The following TRDN variants were observed in gnomAD, a reference collection of about 807,000 sequenced individuals.
TRDN encodes triadin in skeletal muscle.
TRDN carries 161 observed loss-of-function variants against 149.7 expected under a neutral mutation model. The observed-to-expected ratio is 1.08, with a 90% CI of 0.95 to 1.23. The LOEUF (loss-of-function observed/expected upper bound fraction) is 1.23. TRDN is among the 50% of genes most tolerant of loss of function. The probability of loss-of-function intolerance (pLI) is 0.00; values close to 1 mark genes in which losing one functional copy is unlikely to be tolerated. For missense variants in TRDN, 896 were observed against 823.5 expected, an observed-to-expected ratio of 1.09 and a Z score of -1.08; for synonymous variants, 294 against 250.5, an observed-to-expected ratio of 1.17 and a Z score of -1.64.
intron 21 of TRDN, among the ~76,000 whole-genome samples, chr6:123,349,097 T>C (rs1417765537): frequency 6.6e-6 from 1 of 152,036 alleles, no homozygotes; most frequent in Non-Finnish European, 1.5e-5. Context: ...AGGAATAGTG[T>C]TAGTGGAAAG....
intron 22 of TRDN, among the ~76,000 whole-genome samples, chr6:123,333,590 C>T (rs977553397): frequency 2.0e-5 from 3 of 152,010 alleles, no homozygotes; most frequent in African/African-American, 7.2e-5. Flanking sequence ...CCACTTTGTC[C>T]TCAGGGGCTT....
chr6:123,319,709 A>G (rs1779170492), intron 23 of TRDN, among the ~76,000 whole-genome samples: 1 of 152,082 alleles, frequency 6.6e-6, no homozygotes, highest in Admixed American at 6.6e-5. Context: ...TTGCCACTGA[A>G]GCCCTTCGTT....
intron 24 of TRDN, among the ~76,000 whole-genome samples, chr6:123,307,606 C>T (rs1172278583): frequency 6.6e-6 from 1 of 151,948 alleles, no homozygotes; most frequent in Non-Finnish European, 1.5e-5. Flanking sequence ...CAAACATTCA[C>T]AGGATGACAG....
At chr6:123,265,553 T>A (rs931490373) in intron 32 of TRDN, among the ~76,000 whole-genome samples, 5 of 151,352 alleles carry the variant, frequency 3.3e-5, no homozygotes, top group Non-Finnish European at 5.9e-5. Context: ...AAGTATGGAA[T>A]CTTTTTTGGT....
At chr6:123,292,716 T>C (rs1367665) in intron 24 of TRDN, among the ~76,000 whole-genome samples, 27,909 of 152,020 alleles carry the variant, frequency 0.18, 3,385 homozygotes, top group East Asian at 0.62. Flanking sequence ...AGTACATCTG[T>C]CCAGGGTTAA....
rs577711103 is a variant in TRDN, at chr6:123,479,657, TACA to T, written c.854-14677_854-14675del. ...GCGGAGTCCCAGTGCAGTGCTCTTA[TACA>T]ACAGTATCCTGTCTTTGAGCTTGCA... is the stretch of plus-strand genomic sequence containing the variant. On this transcript the variant is annotated intron_variant, in intron 9 of 40. Transcript: ENST00000334268. 4.6e-5 allele frequency among the ~76,000 whole-genome samples: 7 copies of T among 152,272 alleles called. No homozygotes were observed. In the South Asian group the frequency reaches 1.2e-3, roughly 27 times the overall value.
At chr6:123,326,349 G>T (rs146955197) in intron 23 of TRDN, among the ~76,000 whole-genome samples, 134 of 152,106 alleles carry the variant, frequency 8.8e-4, no homozygotes, top group Admixed American at 1.4e-3. Context: ...AAGAGATATA[G>T]AGTCTTATAT....
intron 21 of TRDN, among the ~76,000 whole-genome samples, chr6:123,348,099 G>A (rs1048611434): frequency 2.3e-4 from 35 of 151,986 alleles, no homozygotes; most frequent in Admixed American, 2.2e-3. Flanking sequence ...AAAATCAAGT[G>A]AAGTAAAACC....
intron 19 of TRDN, among the ~76,000 whole-genome samples, chr6:123,374,548 CTA>C (rs1781435642): frequency 6.6e-6 from 1 of 152,072 alleles, no homozygotes; most frequent in Non-Finnish European, 1.5e-5. Context: ...TTCTCAATGT[CTA>C]TGTGTATACT....
chr6:123,434,368 G>A (rs1044193522), intron 12 of TRDN, among the ~76,000 whole-genome samples: 3 of 152,134 alleles, frequency 2.0e-5, no homozygotes, highest in Admixed American at 2.0e-4. Flanking sequence ...GAAATGGTTT[G>A]GCAGAGCAGA....
chr6:123,614,300 C>CAAAAAAAAAA (rs1199509406), intron 1 of TRDN, among the ~76,000 whole-genome samples: 422 of 99,350 alleles, frequency 4.2e-3, no homozygotes, highest in East Asian at 6.1e-3. Flanking sequence ...AAAAAAAAAA[C>CAAAAAAAAAA]AAAAAAAAAA....
rs147539526 is a variant in TRDN at position 123,447,409 on chromosome 6, C to A, written c.932-8406G>T. Among the ~76,000 whole-genome samples, 4 of 152,180 alleles carry A rather than the reference C, an allele frequency of 2.6e-5. No homozygotes were observed. In the South Asian group the frequency reaches 6.2e-4, roughly 24 times the overall value. ...AATAAGGACTTTGAGAAACAGTAGA[C>A]GTGAAGCATGTGGGAATCAAGAGAG... On this transcript the variant is annotated intron_variant, in intron 10 of 40. Transcript: ENST00000334268.
intron 1 of TRDN, among the ~76,000 whole-genome samples, chr6:123,576,957 A>G (rs372945644): frequency 2.0e-5 from 3 of 152,114 alleles, no homozygotes; most frequent in East Asian, 3.9e-4. Flanking sequence ...TGTACTGCCA[A>G]ACTTAAAATA....
intron 12 of TRDN, among the ~76,000 whole-genome samples, chr6:123,429,903 T>G: frequency 6.6e-6 from 1 of 152,204 alleles, no homozygotes; most frequent in East Asian, 1.9e-4. Flanking sequence ...AAGAAATATG[T>G]GGTCTATTTA....
At chr6:123,550,107 C>T (rs1781310965) in intron 2 of TRDN, among the ~76,000 whole-genome samples, 1 of 151,994 alleles carries the variant, frequency 6.6e-6, no homozygotes, top group African/African-American at 2.4e-5. Flanking sequence ...GAAGCTCTAA[C>T]TGAAAACAGA....
chr6:123,332,390 T>G (rs1435271650), intron 22 of TRDN, among the ~76,000 whole-genome samples: 2 of 152,184 alleles, frequency 1.3e-5, no homozygotes, highest in East Asian at 3.9e-4. Flanking sequence ...GACTCAAACT[T>G]GAGAATAAGA....
At chr6:123,265,086 G>C (rs1776893674) in intron 33 of TRDN, among the ~76,000 whole-genome samples, 1 of 151,844 alleles carries the variant, frequency 6.6e-6, no homozygotes, top group Non-Finnish European at 1.5e-5. Flanking sequence ...TGTGCTTATT[G>C]GTCTAGGGCT....
chr6:123,294,303 T>G (rs1308897843), intron 24 of TRDN, among the ~76,000 whole-genome samples: 1 of 152,124 alleles, frequency 6.6e-6, no homozygotes, highest in East Asian at 1.9e-4. Context: ...CCTTCCCAAG[T>G]CTTACCTGGT....
At chr6:123,624,329 C>T (rs1269844275) in intron 1 of TRDN, among the ~76,000 whole-genome samples, 1 of 152,118 alleles carries the variant, frequency 6.6e-6, no homozygotes, top group Non-Finnish European at 1.5e-5. Flanking sequence ...GCCAGACCAA[C>T]AAGACACTTC....
Sources: allele counts gnomAD v4.1 joint callset (sites outside exome capture counted in the v4.1 genomes callset), GRCh38; gene constraint gnomAD v4.1.1; transcripts MANE v1.5; gene names NCBI Gene and HGNC (gene_info 2026-07-23, HGNC 2026-07-21).